FRS2: variants seen among roughly 807,000 people sequenced by gnomAD.
The protein encoded by FRS2 is FGFR signalling adaptor.
A neutral mutation model predicts 43.9 loss-of-function variants in FRS2; 8 were observed. That is an observed-to-expected ratio of 0.18 (90% CI 0.11 to 0.33). The LOEUF is 0.33. Among genes scored for constraint, FRS2 ranks in the 10% least tolerant of loss-of-function variants. The pLI, the probability that FRS2 is intolerant of heterozygous loss-of-function variation, is 1.00. For missense variants in FRS2, 534 were observed against 627.6 expected (o/e 0.85, Z 1.59); for synonymous variants, 219 against 220.3 (o/e 0.99, Z 0.05).
At chr12:69,572,091 T>G (rs745747606) in intron 7 of FRS2, 27 bp from the exon 8 acceptor site, 1 of 1,600,310 alleles carries the variant, frequency 6.2e-7, no homozygotes, top group African/African-American at 1.3e-5. Context: ...GCCCCCCTTT[T>G]CCTTAAACCA....
In FRS2 at chr12:69,494,799, G is replaced by C. The variant is rs1872736934; in HGVS notation, c.-261+24269G>C. Among the ~76,000 whole-genome samples the C allele has an allele frequency of 2.6e-5, 4 of 152,122 alleles. No individual in the cohort carries two copies. In the South Asian group the frequency reaches 8.3e-4, roughly 32 times the overall value. Reference sequence around the variant, plus strand: ...TGTTTTGTTTTGTTTTCGAGATGGAGTTTTGCTCTTGTTGCCCAGTCTGGA... The same window carrying C: ...TGTTTTGTTTTGTTTTCGAGATGGACTTTTGCTCTTGTTGCCCAGTCTGGA... On this transcript the variant is annotated intron_variant, in intron 1 of 8. Coordinates refer to ENST00000549921, the MANE Select transcript of FRS2 (RefSeq NM_001278356.2).
intron 1 of FRS2, among the ~76,000 whole-genome samples, chr12:69,508,218 T>G (rs1024538990): frequency 6.6e-6 from 1 of 152,172 alleles, no homozygotes; most frequent in African/African-American, 2.4e-5. Context: ...TGCTGGTGTT[T>G]ACAAATGCTA....
chr12:69,483,281 A>G (rs560626828), intron 1 of FRS2, among the ~76,000 whole-genome samples: 17 of 152,288 alleles, frequency 1.1e-4, no homozygotes, highest in South Asian at 1.0e-3. Flanking sequence ...TGTGGAAACA[A>G]TACCACAATC....
At chr12:69,563,239 C>A (rs73323713) in intron 4 of FRS2, among the ~76,000 whole-genome samples, 3,453 of 152,056 alleles carry the variant, frequency 0.023, 145 homozygotes, top group African/African-American at 0.079. Flanking sequence ...TAGCCTTTTC[C>A]CTTGCCTCAG....
chr12:69,479,410 T>A (rs1871163362), intron 1 of FRS2, among the ~76,000 whole-genome samples: 1 of 150,596 alleles, frequency 6.6e-6, no homozygotes, highest in Non-Finnish European at 1.5e-5. Context: ...TTTTTTTTCT[T>A]TTTTTTTGAG....
chr12:69,498,220 C>G (rs1216517407), intron 1 of FRS2, among the ~76,000 whole-genome samples: 1 of 152,070 alleles, frequency 6.6e-6, no homozygotes, highest in Non-Finnish European at 1.5e-5. Context: ...AAAGGAAATA[C>G]TAAAATATGC....
chr12:69,536,988 C>G (rs1371833408), intron 3 of FRS2, among the ~76,000 whole-genome samples: 1 of 152,168 alleles, frequency 6.6e-6, no homozygotes, highest in Non-Finnish European at 1.5e-5. Context: ...TCCATCTCCT[C>G]TCCATACCTT....
intron 1 of FRS2, among the ~76,000 whole-genome samples, chr12:69,504,504 G>A (rs1033541939): frequency 4.6e-5 from 7 of 152,192 alleles, no homozygotes; most frequent in African/African-American, 9.6e-5. Flanking sequence ...ATTTTTTGGC[G>A]TCACAATAGA....
chr12:69,519,324 A>T (rs987825651), intron 1 of FRS2, among the ~76,000 whole-genome samples: 3 of 152,234 alleles, frequency 2.0e-5, no homozygotes, highest in African/African-American at 7.2e-5. Context: ...GAAAAACAGT[A>T]AAATCACAGA....
chr12:69,531,347 A>G (rs2135664916), intron 2 of FRS2, among the ~76,000 whole-genome samples: 1 of 151,620 alleles, frequency 6.6e-6, no homozygotes, highest in East Asian at 1.9e-4. Context: ...AAAAAAAAAA[A>G]GGTAGACATT....
At chr12:69,487,536 T>C (rs1872067020) in intron 1 of FRS2, among the ~76,000 whole-genome samples, 1 of 152,250 alleles carries the variant, frequency 6.6e-6, no homozygotes, top group South Asian at 2.1e-4. Flanking sequence ...ATATTACTAC[T>C]CACTGACAAT....
At chr12:69,501,963 T>G (rs1339739199) in intron 1 of FRS2, among the ~76,000 whole-genome samples, 1 of 128,818 alleles carries the variant, frequency 7.8e-6, no homozygotes, top group Non-Finnish European at 1.5e-5. Flanking sequence ...TTTTTTTGTT[T>G]TGTTTTTTTT....
At chr12:69,528,309 G>A (rs191405552) in intron 1 of FRS2, among the ~76,000 whole-genome samples, 9 of 152,270 alleles carry the variant, frequency 5.9e-5, no homozygotes, top group Admixed American at 5.2e-4. Flanking sequence ...GAGTTCTTTT[G>A]ATTGTTTCCT....
intron 1 of FRS2, among the ~76,000 whole-genome samples, chr12:69,525,543 C>T (rs374235831): frequency 9.9e-5 from 15 of 152,244 alleles, no homozygotes; most frequent in African/African-American, 3.4e-4. Flanking sequence ...GGTCTGCACA[C>T]GGAGTCTTTG....
intron 1 of FRS2, among the ~76,000 whole-genome samples, chr12:69,521,958 A>C (rs1875704776): frequency 1.3e-5 from 2 of 151,860 alleles, no homozygotes; most frequent in African/African-American, 4.8e-5. Flanking sequence ...TTTTATTGAG[A>C]GCCTTTTCTG....
In FRS2 at chr12:69,579,632, T is replaced by C. The variant is rs138074129; in HGVS notation, c.*4677T>C. On this transcript the variant is annotated 3_prime_UTR_variant, in exon 9 of 9. Coordinates refer to ENST00000549921, the MANE Select transcript of FRS2 (RefSeq NM_001278356.2). ...CATAATGAGGTACTCAAGTTGATAC[T>C]GGAAGCTGAGCTGATCATACACTGA... 3.6e-3 allele frequency: 541 copies of C among 152,348 alleles called. 5 individuals carry two copies. The highest frequency in any genetic ancestry group is 5.9e-3 in the Non-Finnish European group (398 of 68,020). 9.4% of individuals were successfully genotyped at this position (152,348 alleles called of 1,614,324 possible).
At chr12:69,571,685 C>G (rs964005572) in intron 7 of FRS2, among the ~76,000 whole-genome samples, 1 of 152,064 alleles carries the variant, frequency 6.6e-6, no homozygotes, top group Non-Finnish European at 1.5e-5. Flanking sequence ...CACTGTGAAC[C>G]TCCATCTCTA....
At chr12:69,570,848 T>G (rs1005942843) in intron 6 of FRS2, among the ~76,000 whole-genome samples, 5 of 152,224 alleles carry the variant, frequency 3.3e-5, no homozygotes, top group Non-Finnish European at 7.3e-5. Flanking sequence ...AATGTTAAAT[T>G]TCTTCTCTAT....
chr12:69,500,990 C>A (rs1873388548), intron 1 of FRS2, among the ~76,000 whole-genome samples: 1 of 152,064 alleles, frequency 6.6e-6, no homozygotes, highest in African/African-American at 2.4e-5. Flanking sequence ...AATCATTCTA[C>A]TTTTCTGTGG....
Sources: gnomAD v4.1 joint callset for allele counts (sites outside exome capture counted in the v4.1 genomes callset) on GRCh38, gnomAD v4.1.1 for gene constraint, MANE v1.5 for transcripts, NCBI Gene and HGNC (gene_info 2026-07-23, HGNC 2026-07-21) for gene names.